Variants in NTM observed in about 807,000 individuals in gnomAD.
NTM encodes IgLON family member 2.
In NTM, 13 loss-of-function variants were observed where a neutral mutation model predicts 42.1. The observed-to-expected ratio is 0.31, with a 90% CI of 0.20 to 0.49. The LOEUF (loss-of-function observed/expected upper bound fraction) is 0.49, where lower values mean the gene tolerates loss of function less well. Among genes scored for constraint, NTM ranks in the 20% least tolerant of loss-of-function variants. The pLI is 0.99. For synonymous variants in NTM, 187 were observed against 179.2 expected, an observed-to-expected ratio of 1.04 and a Z score of -0.35; for missense variants, 373 against 452.8, an observed-to-expected ratio of 0.82 and a Z score of 1.60.
intron 4 of NTM, among the ~76,000 whole-genome samples, chr11:132,240,434 T>G (rs1163324602): frequency 6.6e-6 from 1 of 152,226 alleles, no homozygotes; most frequent in Non-Finnish European, 1.5e-5. Context: ...TGGGTGAGTC[T>G]CCAATACAAC....
At chr11:131,832,435 G>A (rs965671313) in intron 1 of NTM, among the ~76,000 whole-genome samples, 7 of 152,112 alleles carry the variant, frequency 4.6e-5, no homozygotes, top group Non-Finnish European at 1.0e-4. Context: ...TTCTTTGATG[G>A]TAAAAAGGTA....
chr11:131,710,121 A>G (rs1005172524), intron 1 of NTM, among the ~76,000 whole-genome samples: 32 of 152,168 alleles, frequency 2.1e-4, no homozygotes, highest in Admixed American at 1.6e-3. Flanking sequence ...GAAAGCCATG[A>G]GAGACAGAAA....
At chr11:131,995,739 A>G (rs2067882466) in intron 2 of NTM, among the ~76,000 whole-genome samples, 1 of 152,166 alleles carries the variant, frequency 6.6e-6, no homozygotes, top group Admixed American at 6.5e-5. Context: ...GAAGCCAACA[A>G]AGACGGCTTT....
At chr11:131,528,998 G>A (rs552425999) in intron 1 of NTM, among the ~76,000 whole-genome samples, 2 of 152,312 alleles carry the variant, frequency 1.3e-5, no homozygotes, top group East Asian at 3.9e-4. Flanking sequence ...TGTCATGAGT[G>A]CTCAGTAAAT....
At chr11:131,874,035 ATATATATAT>A (rs1353728872) in intron 1 of NTM, among the ~76,000 whole-genome samples, 15 of 17,758 alleles carry the variant, frequency 8.4e-4, no homozygotes, top group East Asian at 8.2e-3. Flanking sequence ...AATATAATAT[ATATATATAT>A]ATATATATAT....
chr11:132,157,715 T>G (rs7943322), intron 3 of NTM, among the ~76,000 whole-genome samples: 66,032 of 152,008 alleles, frequency 0.43, 14,705 homozygotes, highest in East Asian at 0.64. Context: ...AAACTGAAAA[T>G]GTAAAACATA....
At chr11:132,067,975 T>A (rs976218201) in intron 2 of NTM, among the ~76,000 whole-genome samples, 1 of 152,248 alleles carries the variant, frequency 6.6e-6, no homozygotes, top group Non-Finnish European at 1.5e-5. Flanking sequence ...GTGATTCTCC[T>A]GTATGTGTCA....
At chr11:132,147,210 TGTGTGAGAGA>T (rs1439953905) in intron 3 of NTM, among the ~76,000 whole-genome samples, 17 of 126,244 alleles carry the variant, frequency 1.3e-4, no homozygotes, top group African/African-American at 3.1e-4. Context: ...TGTGTGTGTG[TGTGTGAGAGA>T]GAGAGAGAGA....
intron 1 of NTM, among the ~76,000 whole-genome samples, chr11:131,484,738 T>A (rs1240733174): frequency 6.6e-6 from 1 of 152,184 alleles, no homozygotes; most frequent in Non-Finnish European, 1.5e-5. Context: ...CTAAAGACAT[T>A]TTTTTGCATG....
At chr11:131,872,536 GCTCT>G (rs1219649457) in intron 1 of NTM, among the ~76,000 whole-genome samples, 2 of 152,074 alleles carry the variant, frequency 1.3e-5, no homozygotes, top group Non-Finnish European at 2.9e-5. Flanking sequence ...TCATTTTCTG[GCTCT>G]CTGTCAAATT....
chr11:132,022,244 ATTG>A lies in NTM; in HGVS notation c.167+110599_167+110601del, dbSNP rs571423115. Among the ~76,000 whole-genome samples the A allele has an allele frequency of 1.4e-4, 22 of 152,272 alleles. No homozygotes were observed. The East Asian group carries it at 4.1e-3, about 28-fold the overall frequency. ...TTTCACAAGAACATATGCTTCTCAG[ATTG>A]TTAAGATTTCGTTCAATTACCACTC... is the stretch of plus-strand genomic sequence containing the variant. On this transcript the variant is annotated intron_variant, in intron 2 of 8. Transcript: ENST00000683400.
intron 4 of NTM, among the ~76,000 whole-genome samples, chr11:132,246,714 A>G (rs2091222085): frequency 6.6e-6 from 1 of 152,246 alleles, no homozygotes; most frequent in African/African-American, 2.4e-5. Flanking sequence ...TTACCAAGTG[A>G]CATCCTAAAC....
intron 1 of NTM, among the ~76,000 whole-genome samples, chr11:131,880,056 C>A (rs949436800): frequency 2.0e-5 from 3 of 152,188 alleles, no homozygotes; most frequent in Non-Finnish European, 4.4e-5. Context: ...GAAACATCAA[C>A]TTTCTTCTTT....
At chr11:131,589,374 C>T (rs2059163295) in intron 1 of NTM, among the ~76,000 whole-genome samples, 1 of 152,080 alleles carries the variant, frequency 6.6e-6, no homozygotes, top group Non-Finnish European at 1.5e-5. Flanking sequence ...TAAAGTCCTC[C>T]CAGCACTAGC....
intron 1 of NTM, among the ~76,000 whole-genome samples, chr11:131,804,442 G>A (rs2092363071): frequency 6.6e-6 from 1 of 152,068 alleles, no homozygotes; most frequent in African/African-American, 2.4e-5. Flanking sequence ...CGCGCACCCA[G>A]CTTTCATGCC....
At chr11:131,672,324 G>A (rs1335302528) in intron 1 of NTM, among the ~76,000 whole-genome samples, 1 of 152,230 alleles carries the variant, frequency 6.6e-6, no homozygotes, top group African/African-American at 2.4e-5. Flanking sequence ...GCCAGGTGAA[G>A]GCAGAGGCGG....
At chr11:131,741,915 T>A (rs2081251378) in intron 1 of NTM, among the ~76,000 whole-genome samples, 1 of 152,162 alleles carries the variant, frequency 6.6e-6, no homozygotes, top group Non-Finnish European at 1.5e-5. Flanking sequence ...TGAGATCATG[T>A]CCTTTGCCGG....
chr11:131,457,659 A>G (rs1250905459), intron 1 of NTM, among the ~76,000 whole-genome samples: 8 of 152,222 alleles, frequency 5.3e-5, no homozygotes, highest in Admixed American at 5.2e-4. Context: ...TCCGGAGTTC[A>G]GGAAGAGATT....
At chr11:132,327,008 G>T (rs971783986) in intron 7 of NTM, among the ~76,000 whole-genome samples, 5 of 152,176 alleles carry the variant, frequency 3.3e-5, no homozygotes, top group Non-Finnish European at 7.3e-5. Context: ...TTTGATAAGA[G>T]AATTTCATTC....
Sources: gnomAD v4.1 joint callset for allele counts (sites outside exome capture counted in the v4.1 genomes callset) on GRCh38, gnomAD v4.1.1 for gene constraint, MANE v1.5 for transcripts, NCBI Gene and HGNC (gene_info 2026-07-23, HGNC 2026-07-21) for gene names.